SPCS2: variants seen among roughly 807,000 people sequenced by gnomAD.
SPCS2 encodes signal peptidase complex subunit 2.
In SPCS2, 3 loss-of-function variants were observed where a neutral mutation model predicts 22.3. The observed-to-expected ratio is 0.13, with a 90% CI of 0.06 to 0.35. The LOEUF is 0.35. Among genes scored for constraint, SPCS2 ranks in the 10% least tolerant of loss-of-function variants. The probability of loss-of-function intolerance (pLI) is 1.00; values close to 1 mark genes in which losing one functional copy is unlikely to be tolerated. For missense variants in SPCS2, 169 were observed against 280.9 expected (o/e 0.60, Z 2.85); for synonymous variants, 67 against 97.2 (o/e 0.69, Z 1.83).
intron 4 of SPCS2, among the ~76,000 whole-genome samples, chr11:74,974,893 T>C (rs752379234): frequency 3.3e-4 from 50 of 152,194 alleles, no homozygotes; most frequent in Non-Finnish European, 5.4e-4. Flanking sequence ...GGATTATAGG[T>C]ATGAGCCACG....
intron 1 of SPCS2, among the ~76,000 whole-genome samples, chr11:74,956,869 AAC>A (rs1292514595): frequency 6.6e-6 from 1 of 151,806 alleles, no homozygotes; most frequent in African/African-American, 2.4e-5. Flanking sequence ...CTGTTCCTCA[AAC>A]ACGTTAAGCT....
At chr11:74,952,511 C>T (rs1948452673) in intron 1 of SPCS2, among the ~76,000 whole-genome samples, 1 of 152,044 alleles carries the variant, frequency 6.6e-6, no homozygotes, top group Non-Finnish European at 1.5e-5. Flanking sequence ...GAGACAAGGT[C>T]TCACTGTGTT....
intron 1 of SPCS2, among the ~76,000 whole-genome samples, chr11:74,954,491 C>T (rs1326133923): frequency 1.3e-5 from 2 of 152,222 alleles, no homozygotes; most frequent in Non-Finnish European, 2.9e-5. Context: ...CTTTGTCACC[C>T]ACCAACCATA....
At chr11:74,970,793 A>G (rs1179816882) in intron 4 of SPCS2, among the ~76,000 whole-genome samples, 2 of 152,226 alleles carry the variant, frequency 1.3e-5, no homozygotes, top group Non-Finnish European at 2.9e-5. Flanking sequence ...GCAGAATTCT[A>G]AAACCTAGCG....
intron 1 of SPCS2, among the ~76,000 whole-genome samples, chr11:74,955,242 A>T (rs1948471053): frequency 6.6e-6 from 1 of 152,246 alleles, no homozygotes; most frequent in Admixed American, 6.5e-5. Flanking sequence ...ACCCAAGAGA[A>T]CTGAAAATGT....
At chr11:74,965,138 T>C in intron 2 of SPCS2, 21 bp downstream of exon 2, 1 of 1,516,450 alleles carries the variant, frequency 6.6e-7, no homozygotes, top group South Asian at 1.2e-5. Flanking sequence ...GAGGAGGGGT[T>C]GGTTAGTATC....
intron 1 of SPCS2, among the ~76,000 whole-genome samples, chr11:74,961,252 A>G (rs1035299910): frequency 3.3e-5 from 5 of 152,216 alleles, no homozygotes; most frequent in Non-Finnish European, 7.3e-5. Flanking sequence ...GCTATGTTTT[A>G]TAATTACACT....
At chr11:74,969,953 G>C (rs544553267) in intron 4 of SPCS2, among the ~76,000 whole-genome samples, 1 of 152,192 alleles carries the variant, frequency 6.6e-6, no homozygotes. Flanking sequence ...TAACAGAGAC[G>C]ATTAAGCATA....
intron 4 of SPCS2, among the ~76,000 whole-genome samples, chr11:74,972,676 C>A (rs1262585737): frequency 6.6e-6 from 1 of 151,380 alleles, no homozygotes; most frequent in Non-Finnish European, 1.5e-5. Context: ...CAGCCATCCA[C>A]AAAGTCCCCT....
intron 1 of SPCS2, among the ~76,000 whole-genome samples, chr11:74,955,654 C>G (rs561065611): frequency 6.6e-6 from 1 of 151,728 alleles, no homozygotes; most frequent in East Asian, 1.9e-4. Flanking sequence ...ATACTAAAAA[C>G]CACTGAATTG....
intron 4 of SPCS2, 136 bp downstream of exon 4, chr11:74,969,835 A>G (rs928068403): frequency 6.7e-6 from 7 of 1,052,580 alleles, no homozygotes; most frequent in African/African-American, 1.6e-5. Flanking sequence ...AGAAAGGAGT[A>G]TGGATGATCT....
intron 4 of SPCS2, among the ~76,000 whole-genome samples, chr11:74,971,319 G>T (rs1015526288): frequency 6.6e-6 from 1 of 152,124 alleles, no homozygotes; most frequent in Non-Finnish European, 1.5e-5. Context: ...ACATATTTGT[G>T]TACATGTTTT....
chr11:74,959,222 C>T (rs959183246), intron 1 of SPCS2, among the ~76,000 whole-genome samples: 4 of 152,156 alleles, frequency 2.6e-5, no homozygotes, highest in Non-Finnish European at 5.9e-5. Context: ...TTGAGGAATC[C>T]TTTGAGTCTT....
At chr11:74,968,871 G>T (rs72990755) in intron 3 of SPCS2, among the ~76,000 whole-genome samples, 2 of 152,006 alleles carry the variant, frequency 1.3e-5, no homozygotes, top group Non-Finnish European at 2.9e-5. Context: ...ATTGTTCCTT[G>T]TTGGCCAGGC....
intron 4 of SPCS2, among the ~76,000 whole-genome samples, chr11:74,973,998 C>T (rs1406719023): frequency 6.6e-6 from 1 of 152,018 alleles, no homozygotes; most frequent in Non-Finnish European, 1.5e-5. Context: ...ACACAGTCTC[C>T]TCATTTCTCT....
At chr11:74,955,851 A>AATAT (rs60855711) in intron 1 of SPCS2, among the ~76,000 whole-genome samples, 3,012 of 55,316 alleles carry the variant, frequency 0.054, 303 homozygotes, top group Middle Eastern at 0.077. Flanking sequence ...TACTAATTAA[A>AATAT]ATATATATAT....
intron 1 of SPCS2, among the ~76,000 whole-genome samples, chr11:74,951,828 AAG>A (rs1948447968): frequency 6.6e-6 from 1 of 151,616 alleles, no homozygotes; most frequent in Non-Finnish European, 1.5e-5. Context: ...AAAAAAAAAA[AAG>A]AGTAAGAGCC....
intron 4 of SPCS2, among the ~76,000 whole-genome samples, chr11:74,973,906 G>T (rs1195753801): frequency 6.6e-6 from 1 of 151,386 alleles, no homozygotes; most frequent in Non-Finnish European, 1.5e-5. Flanking sequence ...CTCTCTGCTG[G>T]ATCATTCCTT....
intron 1 of SPCS2, among the ~76,000 whole-genome samples, chr11:74,958,548 G>A (rs1948492203): frequency 6.6e-6 from 1 of 152,102 alleles, no homozygotes; most frequent in Non-Finnish European, 1.5e-5. Flanking sequence ...AACTGAAATT[G>A]TAATCTCAGC....
Sources: allele counts gnomAD v4.1 joint callset (sites outside exome capture counted in the v4.1 genomes callset), GRCh38; gene constraint gnomAD v4.1.1; transcripts MANE v1.5; gene names NCBI Gene and HGNC (gene_info 2026-07-23, HGNC 2026-07-21).